Variants in LPIN1 observed in about 807,000 individuals in gnomAD.
LPIN1 encodes phosphatidate phosphatase LPIN1.
LPIN1 carries 71 observed loss-of-function variants against 107.5 expected under a neutral mutation model. The observed-to-expected ratio is 0.66, with a 90% CI of 0.55 to 0.80. The LOEUF is 0.80. Among genes scored for constraint, LPIN1 ranks in the 30% least tolerant of loss-of-function variants. The probability of loss-of-function intolerance (pLI) is 0.00; values close to 1 mark genes in which losing one functional copy is unlikely to be tolerated. For missense variants in LPIN1, 1,043 were observed against 1,160.6 expected, an observed-to-expected ratio of 0.90 and a Z score of 1.47; for synonymous variants, 445 against 452.6, an observed-to-expected ratio of 0.98 and a Z score of 0.21.
At chr2:11,809,035 T>C (rs1679203290) in intron 17 of LPIN1, among the ~76,000 whole-genome samples, 1 of 151,980 alleles carries the variant, frequency 6.6e-6, no homozygotes, top group Non-Finnish European at 1.5e-5. Context: ...AGGCTAATTG[T>C]CACCTTGTTC....
At chr2:11,798,646 A>G (rs1398254548) in intron 14 of LPIN1, among the ~76,000 whole-genome samples, 1 of 152,206 alleles carries the variant, frequency 6.6e-6, no homozygotes, top group Non-Finnish European at 1.5e-5. Flanking sequence ...AACCTGAAAA[A>G]TTAAGAATTG....
chr2:11,771,348 T>G lies in LPIN1; in HGVS notation c.289-24T>G, dbSNP rs1671806844. The G allele has an allele frequency of 1.2e-6, 2 of 1,613,140 alleles. No homozygotes were observed. Among genetic ancestry groups the G allele is most frequent in the South Asian group, 1.1e-5 (1 of 91,064 alleles). ...TATACCTGAATTAACGAGGCTCTTTTTAGAAAATGTGTTCTTTTCTTAGGA... is the reference window on the plus strand; with the variant it reads ...TATACCTGAATTAACGAGGCTCTTTGTAGAAAATGTGTTCTTTTCTTAGGA... On this transcript the variant is annotated intron_variant, in intron 3 of 20. Transcript: ENST00000674199. This position sits in a 1 kb window ranked among gnomAD's most constrained non-coding sequence, Gnocchi z 4.8.
intron 17 of LPIN1, among the ~76,000 whole-genome samples, chr2:11,810,869 C>T (rs1360162033): frequency 6.6e-6 from 1 of 152,168 alleles, no homozygotes; most frequent in Non-Finnish European, 1.5e-5. Flanking sequence ...ATTTAAATCT[C>T]CCCGAGTCAG....
intron 17 of LPIN1, among the ~76,000 whole-genome samples, chr2:11,808,862 C>T (rs1175715903): frequency 2.1e-5 from 3 of 139,606 alleles, no homozygotes; most frequent in Non-Finnish European, 4.6e-5. Flanking sequence ...CAGAGTGAGA[C>T]ACCATCTCAA....
At chr2:11,813,326 T>G (rs995259461) in intron 17 of LPIN1, among the ~76,000 whole-genome samples, 1 of 152,196 alleles carries the variant, frequency 6.6e-6, no homozygotes, top group African/African-American at 2.4e-5. Flanking sequence ...ATGATATCAC[T>G]TAGACATGTA....
rs1414532534 is a variant in LPIN1, at chr2:11,765,802, C to T, written c.192+69C>T. On this transcript the variant is annotated intron_variant, in intron 2 of 20. Coordinates refer to ENST00000674199, the MANE Select transcript of LPIN1 (RefSeq NM_001349206.2). The surrounding 1 kb of genome is among the most constrained non-coding windows in gnomAD (Gnocchi z 4.4). ...AGAATGCCCTTGTACTCTGGTGATG[C>T]CACCTGTCTTGAACTCTCAGACCCA... The T allele has an allele frequency of 9.2e-6, 13 of 1,405,756 alleles. No homozygotes were observed. The African/African-American group carries it at 1.3e-4, about 14-fold the overall frequency. 87.1% of individuals were successfully genotyped at this position (1,405,756 alleles called of 1,614,324 possible).
At chr2:11,779,881 C>CTT (rs545546639) in intron 7 of LPIN1, among the ~76,000 whole-genome samples, 4 of 145,642 alleles carry the variant, frequency 2.7e-5, no homozygotes, top group Admixed American at 2.1e-4. Flanking sequence ...TTAGGATTTA[C>CTT]TTTTTTTTTT....
At chr2:11,814,647 G>A (rs1680268218) in intron 17 of LPIN1, among the ~76,000 whole-genome samples, 2 of 151,958 alleles carry the variant, frequency 1.3e-5, no homozygotes, top group Non-Finnish European at 2.9e-5. Context: ...GAATTTGATG[G>A]GGTGTGTGTA....
At chr2:11,723,864 A>G (rs542893674), upstream of LPIN1, 1 of 152,332 alleles carries the variant, frequency 6.6e-6, no homozygotes, top group Non-Finnish European at 1.5e-5. Flanking sequence ...TAATTCAAAA[A>G]TTGTATACTG....
intron 14 of LPIN1, among the ~76,000 whole-genome samples, chr2:11,800,365 C>T (rs571753685): frequency 1.3e-5 from 2 of 152,262 alleles, no homozygotes; most frequent in South Asian, 4.1e-4. Flanking sequence ...CACTATCCTC[C>T]TTCATGTCTC....
chr2:11,736,621 G>A (rs1386654594), intron 1 of LPIN1, among the ~76,000 whole-genome samples: 1 of 152,218 alleles, frequency 6.6e-6, no homozygotes, highest in Non-Finnish European at 1.5e-5. Context: ...AAGCTAAAAA[G>A]CAATTCCAAA....
chr2:11,700,765 G>T (rs771217495), intron 1 of LPIN1, among the ~76,000 whole-genome samples: 4 of 152,192 alleles, frequency 2.6e-5, no homozygotes, highest in Non-Finnish European at 5.9e-5. Flanking sequence ...AGAGGCTGAA[G>T]GAAGGTATAA....
At chr2:11,689,405 G>A (rs1241378197) in intron 1 of LPIN1, among the ~76,000 whole-genome samples, 1 of 152,196 alleles carries the variant, frequency 6.6e-6, no homozygotes, top group African/African-American at 2.4e-5. Flanking sequence ...TAGACCTGAC[G>A]AGGTCCTTTC....
chr2:11,723,302 A>C (rs151184196), upstream of LPIN1, among the ~76,000 whole-genome samples: 9 of 152,282 alleles, frequency 5.9e-5, no homozygotes, highest in African/African-American at 2.2e-4. Flanking sequence ...AGGCATAGTG[A>C]TTGTGCCTAA....
chr2:11,699,118 G>A (rs1417615133), intron 1 of LPIN1, among the ~76,000 whole-genome samples: 3 of 152,164 alleles, frequency 2.0e-5, no homozygotes, highest in Admixed American at 6.5e-5. Context: ...TAGCTCATCA[G>A]CTATTGTTAG....
chr2:11,785,682 C>A (rs1023405487), intron 10 of LPIN1, among the ~76,000 whole-genome samples: 1 of 152,116 alleles, frequency 6.6e-6, no homozygotes, highest in Admixed American at 6.5e-5. Context: ...TCTTTTCCAT[C>A]CCCTCGTGGT....
rs1156471666 is a variant in LPIN1 at position 11,825,601 on chromosome 2, G to A, written c.*810G>A. 1.3e-5 allele frequency: 2 copies of A among 152,582 alleles called. No homozygotes were observed. Among genetic ancestry groups the A allele is most frequent in the Admixed American group, 6.5e-5 (1 of 15,270 alleles). The allele number at this position is 152,582 out of a possible 1,614,324, so 9.5% of individuals were successfully genotyped here. On this transcript the variant is annotated 3_prime_UTR_variant, in exon 21 of 21. Transcript: ENST00000674199. The surrounding 1 kb of genome is among the most constrained non-coding windows in gnomAD (Gnocchi z 4.1). ...TTAAAATGACAGTAAATATTACTAA[G>A]GCAGTATTTTGAATGAGTTTGACAC...
At chr2:11,781,976 C>G (rs1673645070) in intron 7 of LPIN1, among the ~76,000 whole-genome samples, 1 of 152,234 alleles carries the variant, frequency 6.6e-6, no homozygotes, top group South Asian at 2.1e-4. Context: ...GCTAATCTCA[C>G]TTCTCTTTGG....
intron 2 of LPIN1, among the ~76,000 whole-genome samples, chr2:11,766,904 G>T (rs1670998842): frequency 6.6e-6 from 1 of 152,236 alleles, no homozygotes; most frequent in Admixed American, 6.5e-5. Flanking sequence ...CTGAGGTGGG[G>T]TATGAGGAAG....
Sources: allele counts gnomAD v4.1 joint callset (sites outside exome capture counted in the v4.1 genomes callset), GRCh38; gene constraint gnomAD v4.1.1; non-coding constraint Gnocchi (gnomAD v3.1); transcripts MANE v1.5; gene names NCBI Gene and HGNC (gene_info 2026-07-23, HGNC 2026-07-21).